The following ELMO1 variants were observed in gnomAD, a reference collection of about 807,000 sequenced individuals.
ELMO1 encodes the protein engulfment and cell motility protein 1.
A neutral mutation model predicts 98.9 loss-of-function variants in ELMO1; 26 were observed. The observed-to-expected ratio is 0.26, with a 90% CI of 0.19 to 0.36. The LOEUF (loss-of-function observed/expected upper bound fraction) is 0.36. ELMO1 is among the 10% of genes least tolerant of loss of function. ELMO1 has a pLI of 1.00. For missense variants in ELMO1, 627 were observed against 935.2 expected (o/e 0.67, Z 4.30); for synonymous variants, 346 against 346.0 (o/e 1.00, Z 0.00).
intron 7 of ELMO1, among the ~76,000 whole-genome samples, chr7:37,238,762 G>C (rs1794605999): frequency 6.6e-6 from 1 of 152,058 alleles, no homozygotes; most frequent in Non-Finnish European, 1.5e-5. Flanking sequence ...ATATACATTA[G>C]ATTTTATGAA....
chr7:37,309,919 A>T (rs913942241), intron 4 of ELMO1, among the ~76,000 whole-genome samples: 7 of 152,206 alleles, frequency 4.6e-5, no homozygotes, highest in African/African-American at 1.7e-4. Context: ...AGCTGGATCT[A>T]CCAAAGCATG....
At chr7:36,962,542 G>A (rs1789042894) in intron 16 of ELMO1, among the ~76,000 whole-genome samples, 1 of 152,102 alleles carries the variant, frequency 6.6e-6, no homozygotes. Flanking sequence ...GAGAGTCAGG[G>A]CATTTTTCAG....
At chr7:37,176,340 A>G (rs1190107096) in intron 13 of ELMO1, among the ~76,000 whole-genome samples, 1 of 152,248 alleles carries the variant, frequency 6.6e-6, no homozygotes, top group East Asian at 1.9e-4. Flanking sequence ...TTTCTTATAA[A>G]TGACAATGTG....
At chr7:36,998,118 GA>G (rs35937715) in intron 16 of ELMO1, among the ~76,000 whole-genome samples, 5,098 of 152,150 alleles carry the variant, frequency 0.034, 114 homozygotes, top group Middle Eastern at 0.099. Context: ...AGGCTGAAGA[GA>G]AGAGATGGGG....
intron 15 of ELMO1, among the ~76,000 whole-genome samples, chr7:37,036,221 A>C (rs1475932846): frequency 1.3e-5 from 2 of 152,172 alleles, no homozygotes; most frequent in African/African-American, 2.4e-5. Flanking sequence ...TTGAAAAAAA[A>C]AACCATGCAT....
intron 5 of ELMO1, among the ~76,000 whole-genome samples, chr7:37,261,896 C>A (rs1189763054): frequency 2.0e-5 from 3 of 152,184 alleles, no homozygotes; most frequent in African/African-American, 7.2e-5. Flanking sequence ...GCCACCACGC[C>A]CAGCTGATTG....
chr7:37,444,805 C>A (rs187212528), intron 1 of ELMO1, among the ~76,000 whole-genome samples: 3 of 152,322 alleles, frequency 2.0e-5, no homozygotes, highest in Non-Finnish European at 4.4e-5. Context: ...TGAGCCACCG[C>A]GCCCGGCCAA....
intron 13 of ELMO1, among the ~76,000 whole-genome samples, chr7:37,168,347 T>C (rs2129737564): frequency 6.6e-6 from 1 of 152,376 alleles, no homozygotes; most frequent in Middle Eastern, 3.4e-3. Flanking sequence ...GTCAAAGTCA[T>C]TCTCCGTCCA....
intron 17 of ELMO1, among the ~76,000 whole-genome samples, chr7:36,888,030 T>A (rs975421330): frequency 6.6e-6 from 1 of 152,202 alleles, no homozygotes; most frequent in Non-Finnish European, 1.5e-5. Flanking sequence ...CTTGGTCAAC[T>A]TTTTTCCCCT....
At chr7:37,203,956 G>A (rs1011196903) in intron 13 of ELMO1, among the ~76,000 whole-genome samples, 19 of 152,192 alleles carry the variant, frequency 1.2e-4, no homozygotes, top group African/African-American at 3.9e-4. Flanking sequence ...GATTGTTAGA[G>A]AGCCCTTTCC....
chr7:36,918,333 C>T (rs1784869153), intron 16 of ELMO1, among the ~76,000 whole-genome samples: 1 of 152,312 alleles, frequency 6.6e-6, no homozygotes. Context: ...TTTGCTCCCC[C>T]TGTGGCTCTC....
chr7:37,095,457 G>C (rs546027594), intron 15 of ELMO1, among the ~76,000 whole-genome samples: 14 of 152,298 alleles, frequency 9.2e-5, no homozygotes, highest in Non-Finnish European at 1.6e-4. Flanking sequence ...CACATTTGGT[G>C]AGCTGTAAAC....
rs529195179 is a variant in ELMO1 at position 37,241,524 on chromosome 7, T to C, written c.449+2832A>G. ...CATTTAATGTATTGATATGATTAGATTGAAGTCAACCAACTTGTTTTCTGT... is the reference window on the plus strand; with the variant it reads ...CATTTAATGTATTGATATGATTAGACTGAAGTCAACCAACTTGTTTTCTGT... On this transcript the variant is annotated intron_variant, in intron 7 of 21. Transcript: ENST00000310758. Among the ~76,000 whole-genome samples, 5 of 152,260 alleles carry C rather than the reference T, an allele frequency of 3.3e-5. No individual in the cohort carries two copies. The South Asian group carries it at 1.0e-3, about 32-fold the overall frequency.
At chr7:37,104,312 A>G (rs1784824435) in intron 14 of ELMO1, among the ~76,000 whole-genome samples, 1 of 151,900 alleles carries the variant, frequency 6.6e-6, no homozygotes, top group African/African-American at 2.4e-5. Flanking sequence ...TCAGAATGAA[A>G]AAAAAAAAAG....
chr7:37,360,726 G>A (rs1484677950), intron 1 of ELMO1, among the ~76,000 whole-genome samples: 2 of 152,210 alleles, frequency 1.3e-5, no homozygotes, highest in African/African-American at 4.8e-5. Flanking sequence ...ACTGCAAAGT[G>A]TAAAGAGAAA....
At chr7:36,908,299 A>T (rs78882485) in intron 16 of ELMO1, among the ~76,000 whole-genome samples, 3,592 of 152,202 alleles carry the variant, frequency 0.024, 145 homozygotes, top group African/African-American at 0.082. Context: ...CACAACCACC[A>T]TTTTCCTTCT....
At chr7:37,120,931 T>C (rs1367432862) in intron 14 of ELMO1, among the ~76,000 whole-genome samples, 2 of 152,106 alleles carry the variant, frequency 1.3e-5, no homozygotes, top group Admixed American at 1.3e-4. Context: ...ACGAAACTTC[T>C]AGAGGAACAT....
intron 13 of ELMO1, among the ~76,000 whole-genome samples, chr7:37,196,261 T>G (rs537390650): frequency 3.9e-5 from 6 of 152,252 alleles, no homozygotes; most frequent in Admixed American, 2.6e-4. Flanking sequence ...GCCTCGAGGC[T>G]GAGGTGGGGG....
intron 16 of ELMO1, among the ~76,000 whole-genome samples, chr7:36,963,836 G>A (rs1716713359): frequency 6.6e-6 from 1 of 152,142 alleles, no homozygotes; most frequent in African/African-American, 2.4e-5. Context: ...CCTGGGTACT[G>A]TGTGTTAAGT....
Sources: allele counts gnomAD v4.1 joint callset (sites outside exome capture counted in the v4.1 genomes callset), GRCh38; gene constraint gnomAD v4.1.1; transcripts MANE v1.5; gene names NCBI Gene and HGNC (gene_info 2026-07-23, HGNC 2026-07-21).